The following CYP19A1 variants were observed in gnomAD, a reference collection of about 807,000 sequenced individuals.
The protein encoded by CYP19A1 is cytochrome P450 family 19 subfamily A member 1.
CYP19A1 carries 32 observed loss-of-function variants against 44.4 expected under a neutral mutation model. The ratio of observed to expected loss-of-function variants is 0.72; its 90% CI spans 0.54 to 0.97. The LOEUF is 0.97. Among genes scored for constraint, CYP19A1 ranks in the 50% least tolerant of loss-of-function variants. The pLI, the probability that CYP19A1 is intolerant of heterozygous loss-of-function variation, is 0.00. For synonymous variants in CYP19A1, 212 were observed against 215.6 expected, an observed-to-expected ratio of 0.98 and a Z score of 0.14; for missense variants, 598 against 637.8, an observed-to-expected ratio of 0.94 and a Z score of 0.67.
rs769995636 is a variant in CYP19A1 at position 51,218,550 on chromosome 15, T to C, written c.734A>G (p.Glu245Gly). Reference protein sequence around the residue: ...FKISWLYKKYEKSVKDLKDAI... With the variant: ...FKISWLYKKYGKSVKDLKDAI... ...AAGTTGTATTACTTACACAGACTTC[T>C]CATACTTTTTGTATAGCCAAGAAAT... The change falls in exon 6 of 10, where the codon GAG becomes GGG. Residue 245 changes from glutamate (E) to glycine (G), a missense_variant. By Grantham distance (98) the Glu-to-Gly change is moderately conservative. Coordinates refer to ENST00000396402, the MANE Select transcript of CYP19A1 (RefSeq NM_000103.4). The C allele has an allele frequency of 5.0e-6, 8 of 1,613,098 alleles. No homozygotes were observed. The South Asian group carries it at 8.8e-5, about 18-fold the overall frequency.
At chr15:51,233,993 A>T (rs977239600) in intron 3 of CYP19A1, among the ~76,000 whole-genome samples, 1 of 152,132 alleles carries the variant, frequency 6.6e-6, no homozygotes, top group Non-Finnish European at 1.5e-5. Flanking sequence ...TGCAGCCCCT[A>T]CTACTTTGGG....
chr15:51,246,217 A>T (rs2141131659), intron 1 of CYP19A1, among the ~76,000 whole-genome samples: 1 of 151,552 alleles, frequency 6.6e-6, no homozygotes, highest in East Asian at 1.9e-4. Context: ...GAACTTGCAC[A>T]GAGGTTGTTT....
intron 1 of CYP19A1, among the ~76,000 whole-genome samples, chr15:51,275,465 G>A (rs2035274617): frequency 6.6e-6 from 1 of 152,210 alleles, no homozygotes; most frequent in Non-Finnish European, 1.5e-5. Flanking sequence ...CTGACACAAG[G>A]AAAATGCACA....
intron 6 of CYP19A1, among the ~76,000 whole-genome samples, chr15:51,217,737 CCTTA>C (rs2031713139): frequency 6.6e-6 from 1 of 152,140 alleles, no homozygotes; most frequent in Non-Finnish European, 1.5e-5. Flanking sequence ...ATGCTAATTG[CCTTA>C]CTTATATGAT....
At chr15:51,244,138 G>A (rs1489140712) in intron 1 of CYP19A1, among the ~76,000 whole-genome samples, 1 of 152,198 alleles carries the variant, frequency 6.6e-6, no homozygotes, top group Non-Finnish European at 1.5e-5. Flanking sequence ...TGGGGGCTCT[G>A]TGTATTCCTT....
chr15:51,223,406 CT>C (rs2032282093), intron 4 of CYP19A1, among the ~76,000 whole-genome samples: 1 of 152,096 alleles, frequency 6.6e-6, no homozygotes, highest in African/African-American at 2.4e-5. Flanking sequence ...CCCTTTCTCT[CT>C]TTGTGTTACG....
At chr15:51,327,380 T>C (rs1467361653) in intron 1 of CYP19A1, among the ~76,000 whole-genome samples, 3 of 152,202 alleles carry the variant, frequency 2.0e-5, no homozygotes, top group Non-Finnish European at 4.4e-5. Flanking sequence ...CTGTGTTTGA[T>C]TTCCACAGAC....
At chr15:51,289,684 G>A (rs1256755533) in intron 1 of CYP19A1, among the ~76,000 whole-genome samples, 1 of 152,160 alleles carries the variant, frequency 6.6e-6, no homozygotes. Context: ...ATAATTTGAG[G>A]CAACCTTGTT....
At chr15:51,310,194 A>C (rs939467681) in intron 1 of CYP19A1, among the ~76,000 whole-genome samples, 5 of 152,214 alleles carry the variant, frequency 3.3e-5, no homozygotes, top group Non-Finnish European at 7.3e-5. Flanking sequence ...TCCCTCACTG[A>C]TTACAACCAA....
Position 51,208,422 on chromosome 15 carries a change from TG to T in CYP19A1, c.*2385del, listed in dbSNP as rs2030593347. The T allele has an allele frequency of 6.6e-6, 1 of 152,178 alleles. No individual in the cohort carries two copies. Among genetic ancestry groups the T allele is most frequent in the African/African-American group, 2.4e-5 (1 of 41,442 alleles). 9.4% of individuals were successfully genotyped at this position (152,178 alleles called of 1,614,324 possible). On this transcript the variant is annotated 3_prime_UTR_variant, in exon 10 of 10. Transcript: ENST00000396402. ...GAGCCCTTATATGCATGCATTTCAC[TG>T]ATAATTTACACATTGCAGTTCTTTC...
intron 1 of CYP19A1, among the ~76,000 whole-genome samples, chr15:51,327,074 C>T (rs1334643101): frequency 2.6e-5 from 4 of 152,116 alleles, no homozygotes; most frequent in Non-Finnish European, 4.4e-5. Flanking sequence ...AAAAGCAGCT[C>T]GTATTTTTGG....
intron 1 of CYP19A1, among the ~76,000 whole-genome samples, chr15:51,268,791 T>C (rs2140948904): frequency 6.6e-6 from 1 of 152,308 alleles, no homozygotes; most frequent in African/African-American, 2.4e-5. Flanking sequence ...GATCTTAATT[T>C]GCATTTTCCT....
chr15:51,327,303 A>G (rs2036622719), intron 1 of CYP19A1, among the ~76,000 whole-genome samples: 1 of 152,164 alleles, frequency 6.6e-6, no homozygotes, highest in African/African-American at 2.4e-5. Flanking sequence ...TAAACTCCTG[A>G]GTAAAGCCAA....
intron 1 of CYP19A1, among the ~76,000 whole-genome samples, chr15:51,261,923 A>T (rs2034738152): frequency 6.6e-6 from 1 of 152,202 alleles, no homozygotes; most frequent in Non-Finnish European, 1.5e-5. Context: ...TTCATCTCTG[A>T]AAGTCCCTCC....
chr15:51,300,697 C>T (rs1004095496), intron 1 of CYP19A1, among the ~76,000 whole-genome samples: 14 of 152,204 alleles, frequency 9.2e-5, no homozygotes, highest in Admixed American at 5.2e-4. Flanking sequence ...CCAGCCTCTC[C>T]GCTGCCTTTC....
chr15:51,309,500 A>G (rs2036273606), intron 1 of CYP19A1, among the ~76,000 whole-genome samples: 1 of 152,176 alleles, frequency 6.6e-6, no homozygotes, highest in Non-Finnish European at 1.5e-5. Flanking sequence ...GTGCTATCTG[A>G]ACACTCTCCA....
chr15:51,211,553 G>C (rs937991042), intron 9 of CYP19A1: 2 of 356,388 alleles, frequency 5.6e-6, no homozygotes, highest in Non-Finnish European at 1.1e-5. Flanking sequence ...CTTAGTGCCT[G>C]GCATATAGTA....
intron 1 of CYP19A1, among the ~76,000 whole-genome samples, chr15:51,308,838 G>T (rs1322827556): frequency 1.3e-5 from 2 of 152,132 alleles, no homozygotes; most frequent in East Asian, 3.9e-4. Context: ...AGGCCTGCTG[G>T]ATTGCTGTAA....
intron 4 of CYP19A1, among the ~76,000 whole-genome samples, chr15:51,224,800 T>C (rs1393221387): frequency 6.6e-6 from 1 of 152,236 alleles, no homozygotes; most frequent in African/African-American, 2.4e-5. Context: ...GAGAGGTCTT[T>C]GGTGATCTGG....
Sources: gnomAD v4.1 joint callset for allele counts (sites outside exome capture counted in the v4.1 genomes callset) on GRCh38, gnomAD v4.1.1 for gene constraint, MANE v1.5 for transcripts, NCBI Gene and HGNC (gene_info 2026-07-23, HGNC 2026-07-21) for gene names.